RBFOX1: variants seen among roughly 807,000 people sequenced by gnomAD.
RBFOX1 encodes RNA binding protein fox-1 homolog 1.
In RBFOX1, 8 loss-of-function variants were observed where a neutral mutation model predicts 57.7. That is an observed-to-expected ratio of 0.14 (90% confidence interval 0.08 to 0.25). RBFOX1 has a LOEUF of 0.25. RBFOX1 is among the 10% of genes least tolerant of loss of function. The probability of loss-of-function intolerance (pLI) is 1.00; values close to 1 mark genes in which losing one functional copy is unlikely to be tolerated. For synonymous variants in RBFOX1, 326 were observed against 222.4 expected (o/e 1.47, Z -4.15); for missense variants, 611 against 548.5 (o/e 1.11, Z -1.14).
chr16:7,194,440 C>T lies in RBFOX1; in HGVS notation c.27+142342C>T, dbSNP rs188461296. On this transcript the variant is annotated intron_variant, in intron 4 of 15. Coordinates refer to ENST00000550418, the MANE Select transcript of RBFOX1 (RefSeq NM_018723.4). ...AATTTATGATTATGGTACAGGATGA[C>T]CGTCTAGTGACTTTGGCAGTGGAAC... is the stretch of plus-strand genomic sequence containing the variant. Among the ~76,000 whole-genome samples the T allele has an allele frequency of 3.5e-3, 533 of 152,256 alleles. 13 individuals carry two copies. The South Asian group carries it at 0.041, about 12-fold the overall frequency.
intron 3 of RBFOX1, among the ~76,000 whole-genome samples, chr16:6,730,372 ATCTCTCTCTC>A (rs559589975): frequency 0.036 from 5,547 of 152,048 alleles, 292 homozygotes; most frequent in Admixed American, 0.12. Flanking sequence ...AGCATGTGGA[ATCTCTCTCTC>A]TCTGTCTCTA....
chr16:6,653,549 C>G (rs1159008550), intron 2 of RBFOX1, among the ~76,000 whole-genome samples: 1 of 151,630 alleles, frequency 6.6e-6, no homozygotes, highest in East Asian at 1.9e-4. Context: ...CGTACCAGGA[C>G]AACAAGAAAA....
rs191037758 is a variant in RBFOX1 at position 6,483,547 on chromosome 16, A to G, written c.-64+166490A>G. 4.1e-3 allele frequency: 6,233 copies of G among 1,535,378 alleles called. 190 individuals carry two copies. The African/African-American group carries it at 0.069, about 17-fold the overall frequency. On this transcript the variant is annotated intron_variant, in intron 2 of 15. Coordinates refer to ENST00000550418, the MANE Select transcript of RBFOX1 (RefSeq NM_018723.4). Reference sequence around the variant, plus strand: ...CAGTCGTGGGAGATGCCCTTCAGGTACGGCGAGCGAAGAAGACTCTAAAAC... The same window carrying G: ...CAGTCGTGGGAGATGCCCTTCAGGTGCGGCGAGCGAAGAAGACTCTAAAAC...
At chr16:7,386,237 C>G (rs1247665198) in intron 4 of RBFOX1, among the ~76,000 whole-genome samples, 2 of 152,116 alleles carry the variant, frequency 1.3e-5, no homozygotes, top group Admixed American at 6.6e-5. Flanking sequence ...GCTTGAAGTA[C>G]TGGTCCTTTA....
At chr16:7,709,251 T>C in intron 15 of RBFOX1, 120 bp downstream of exon 15, 1 of 1,056,452 alleles carries the variant, frequency 9.5e-7, no homozygotes, top group South Asian at 1.6e-5. Flanking sequence ...TCTCTTGTGC[T>C]AACAGCAGCT....
At chr16:7,271,907 G>C (rs2095327127) in intron 4 of RBFOX1, among the ~76,000 whole-genome samples, 1 of 152,096 alleles carries the variant, frequency 6.6e-6, no homozygotes, top group African/African-American at 2.4e-5. Flanking sequence ...TGACATCCAT[G>C]AGTGCCCCAG....
chr16:5,326,477 A>G (rs2064576160), intron 1 of RBFOX1, among the ~76,000 whole-genome samples: 1 of 152,194 alleles, frequency 6.6e-6, no homozygotes, highest in Non-Finnish European at 1.5e-5. Context: ...TTTGCTCAAT[A>G]ATAACCTCTT....
At chr16:6,616,676 C>A (rs1474123170) in intron 2 of RBFOX1, among the ~76,000 whole-genome samples, 1 of 152,202 alleles carries the variant, frequency 6.6e-6, no homozygotes, top group Admixed American at 6.5e-5. Flanking sequence ...CTCAGGTGAT[C>A]TACCTGCCTC....
chr16:6,312,253 C>G (rs566964046), intron 1 of RBFOX1, among the ~76,000 whole-genome samples: 5 of 152,248 alleles, frequency 3.3e-5, no homozygotes, highest in Non-Finnish European at 7.4e-5. Context: ...TGTTCTAGGT[C>G]CCAGGAAGAA....
At chr16:5,707,856 A>G (rs982559265) in intron 3 of RBFOX1, among the ~76,000 whole-genome samples, 3 of 152,224 alleles carry the variant, frequency 2.0e-5, no homozygotes, top group African/African-American at 7.2e-5. Context: ...TAAGAATGCC[A>G]TTGGAATCAG....
At chr16:6,517,737 C>T (rs118181071) in intron 2 of RBFOX1, among the ~76,000 whole-genome samples, 2 of 152,192 alleles carry the variant, frequency 1.3e-5, no homozygotes, top group African/African-American at 4.8e-5. Flanking sequence ...AAATTATCCT[C>T]CTGCACTTTC....
intron 1 of RBFOX1, among the ~76,000 whole-genome samples, chr16:5,370,200 A>G (rs983342682): frequency 5.3e-5 from 8 of 152,158 alleles, no homozygotes; most frequent in African/African-American, 1.9e-4. Flanking sequence ...CTGACACCCC[A>G]CAGGCTATTT....
intron 1 of RBFOX1, chr16:5,289,274 C>G (rs575089990): frequency 9.4e-5 from 38 of 405,200 alleles, no homozygotes; most frequent in Middle Eastern, 7.5e-4. Context: ...ATTGGGCACC[C>G]AGGCATCATG....
chr16:7,172,606 AAAAG>A (rs2080915497), intron 4 of RBFOX1, among the ~76,000 whole-genome samples: 1 of 152,176 alleles, frequency 6.6e-6, no homozygotes, highest in African/African-American at 2.4e-5. Flanking sequence ...GGAGAAAAAA[AAAAG>A]AAAACTCTCT....
chr16:6,822,917 C>T (rs559561765), intron 3 of RBFOX1, among the ~76,000 whole-genome samples: 3 of 152,174 alleles, frequency 2.0e-5, no homozygotes, highest in African/African-American at 7.2e-5. Context: ...GTGCGTGCTG[C>T]TGCAGCAGAG....
chr16:7,475,067 T>C (rs2062365383), intron 4 of RBFOX1, among the ~76,000 whole-genome samples: 1 of 152,274 alleles, frequency 6.6e-6, no homozygotes, highest in Admixed American at 6.5e-5. Context: ...CAGAGAGTCT[T>C]TGAGAGTTCA....
At chr16:5,400,673 T>G (rs1222188378) in intron 1 of RBFOX1, among the ~76,000 whole-genome samples, 1 of 152,132 alleles carries the variant, frequency 6.6e-6, no homozygotes, top group East Asian at 1.9e-4. Flanking sequence ...TTGATTTTTT[T>G]TTTCTATTAC....
At chr16:6,861,043 G>C (rs566560114) in intron 3 of RBFOX1, among the ~76,000 whole-genome samples, 2 of 152,050 alleles carry the variant, frequency 1.3e-5, no homozygotes, top group Non-Finnish European at 2.9e-5. Flanking sequence ...GTAGGGGAGC[G>C]GTTGTAATCT....
intron 2 of RBFOX1, among the ~76,000 whole-genome samples, chr16:5,529,599 T>C (rs2044382284): frequency 6.7e-6 from 1 of 150,218 alleles, no homozygotes; most frequent in Non-Finnish European, 1.5e-5. Context: ...GGAGTTTTGC[T>C]CTTGTTGCTC....
Sources: gnomAD v4.1 joint callset for allele counts (sites outside exome capture counted in the v4.1 genomes callset) on GRCh38, gnomAD v4.1.1 for gene constraint, MANE v1.5 for transcripts, NCBI Gene and HGNC (gene_info 2026-07-23, HGNC 2026-07-21) for gene names.